TMTC4: variants seen among roughly 807,000 people sequenced by gnomAD.
TMTC4 encodes transmembrane O-mannosyltransferase targeting cadherins 4.
A neutral mutation model predicts 86.0 loss-of-function variants in TMTC4; 65 were observed. The observed-to-expected ratio is 0.76, with a 90% CI of 0.62 to 0.93. TMTC4 has a LOEUF of 0.93. Ranked by LOEUF, TMTC4 falls within the 40% of genes least tolerant of loss-of-function variation. The probability of loss-of-function intolerance (pLI) is 0.00; values close to 1 mark genes in which losing one functional copy is unlikely to be tolerated. For synonymous variants in TMTC4, 379 were observed against 382.5 expected (o/e 0.99, Z 0.11); for missense variants, 866 against 948.1 (o/e 0.91, Z 1.14).
chr13:100,620,003 A>C (rs1490217291), intron 15 of TMTC4, among the ~76,000 whole-genome samples: 1 of 152,222 alleles, frequency 6.6e-6, no homozygotes. Flanking sequence ...GAATCAGATA[A>C]AATTTAGTTT....
intron 15 of TMTC4, among the ~76,000 whole-genome samples, chr13:100,622,141 G>A (rs987088697): frequency 6.6e-6 from 1 of 152,198 alleles, no homozygotes; most frequent in South Asian, 2.1e-4. Flanking sequence ...AAAAATGCAC[G>A]CAAGGTCAGT....
chr13:100,612,335 A>T, intron 17 of TMTC4, 63 bp downstream of exon 17: 1 of 1,273,194 alleles, frequency 7.9e-7, no homozygotes, highest in Non-Finnish European at 1.1e-6. Context: ...CAGAAGTAAC[A>T]CTTACGTCTT....
At chr13:100,623,640 G>GTTTTTTTTTTTTTTTTTTTTTTTTTT (rs71200708) in intron 15 of TMTC4, among the ~76,000 whole-genome samples, 1 of 96,166 alleles carries the variant, frequency 1.0e-5, no homozygotes, top group African/African-American at 3.4e-5. Flanking sequence ...TACTAGTTGG[G>GTTTTTTTTTTTTTTTTTTTTTTTTTT]TTTTGTTTTT....
intron 5 of TMTC4, 116 bp from the exon 6 acceptor site, chr13:100,656,584 C>A: frequency 1.8e-6 from 1 of 568,496 alleles, no homozygotes; most frequent in Middle Eastern, 4.0e-4. Flanking sequence ...ACTCTGCCAC[C>A]CAGGCTGGAG....
At chr13:100,611,484 C>T (rs1160113083) in intron 17 of TMTC4, among the ~76,000 whole-genome samples, 2 of 152,118 alleles carry the variant, frequency 1.3e-5, no homozygotes, top group East Asian at 3.9e-4. Flanking sequence ...ACTCGGGAGG[C>T]TGAGGCAGGA....
At chr13:100,616,137 G>A (rs567625654) in intron 15 of TMTC4, among the ~76,000 whole-genome samples, 10 of 151,976 alleles carry the variant, frequency 6.6e-5, no homozygotes, top group South Asian at 2.1e-4. Context: ...AATCTACAGC[G>A]GATGGGCACC....
intron 7 of TMTC4, among the ~76,000 whole-genome samples, chr13:100,639,647 G>A (rs774913380): frequency 6.6e-5 from 10 of 152,194 alleles, no homozygotes; most frequent in African/African-American, 1.9e-4. Flanking sequence ...CCTGAAAAAC[G>A]GCACAGAGGA....
chr13:100,622,618 C>T (rs1376292385), intron 15 of TMTC4, among the ~76,000 whole-genome samples: 2 of 152,128 alleles, frequency 1.3e-5, no homozygotes, highest in East Asian at 3.9e-4. Context: ...GTGCCTTTCA[C>T]CTTCCACCTT....
intron 1 of TMTC4, chr13:100,674,241 G>A (rs1210185813): frequency 2.0e-6 from 2 of 980,568 alleles, no homozygotes; most frequent in Non-Finnish European, 2.4e-6. Context: ...GCAGGCGCTC[G>A]CGGCGCGGCG....
intron 17 of TMTC4, among the ~76,000 whole-genome samples, chr13:100,609,034 G>A (rs922755467): frequency 3.9e-5 from 6 of 152,122 alleles, no homozygotes; most frequent in South Asian, 2.1e-4. Flanking sequence ...CTGTGCCTCC[G>A]CTAGAATAGG....
intron 16 of TMTC4, 35 bp from the exon 17 acceptor site, chr13:100,612,545 T>G (rs1877773787): frequency 6.6e-7 from 1 of 1,509,822 alleles, no homozygotes; most frequent in African/African-American, 1.4e-5. Context: ...AAAGACATGT[T>G]AATGTTGTAC....
intron 6 of TMTC4, among the ~76,000 whole-genome samples, chr13:100,643,026 A>G (rs1198984102): frequency 6.6e-6 from 1 of 152,200 alleles, no homozygotes; most frequent in Admixed American, 6.5e-5. Flanking sequence ...TGGCAGCTCC[A>G]GTAACCACCA....
At chr13:100,672,311 T>C (rs890266115) in intron 1 of TMTC4, among the ~76,000 whole-genome samples, 1 of 152,192 alleles carries the variant, frequency 6.6e-6, no homozygotes, top group Admixed American at 6.5e-5. Context: ...GGCACATGGC[T>C]TCCTTGGTCA....
chr13:100,656,634 C>A (rs1308743311), intron 5 of TMTC4, among the ~76,000 whole-genome samples, 166 bp from the exon 6 acceptor site: 7 of 149,766 alleles, frequency 4.7e-5, no homozygotes, highest in Admixed American at 4.1e-4. Flanking sequence ...CCTCAACCCC[C>A]CTGGGCTCAA....
At position 100,646,100 on chromosome 13, in the gene TMTC4, T is replaced by C. The variant is rs139406376; in HGVS notation, c.641-3789A>G. Among the ~76,000 whole-genome samples, 3 of 152,192 alleles carry C rather than the reference T, an allele frequency of 2.0e-5. No homozygotes were observed. In the East Asian group the frequency reaches 5.8e-4, roughly 29 times the overall value. On this transcript the variant is annotated intron_variant, in intron 6 of 18. Transcript: ENST00000342624. ...TTATTAGACTCAGGCCCCACTGAGATCTGATGAATCAGAAATTGAGGATGG... is the reference window on the plus strand; with the variant it reads ...TTATTAGACTCAGGCCCCACTGAGACCTGATGAATCAGAAATTGAGGATGG...
chr13:100,659,503 C>A (rs925923729), intron 5 of TMTC4, among the ~76,000 whole-genome samples: 13 of 152,036 alleles, frequency 8.6e-5, no homozygotes, highest in Admixed American at 8.5e-4. Flanking sequence ...TGAAATCTTC[C>A]CCAACACTTT....
At chr13:100,659,281 T>G (rs1314295987) in intron 5 of TMTC4, among the ~76,000 whole-genome samples, 1 of 152,188 alleles carries the variant, frequency 6.6e-6, no homozygotes, top group Non-Finnish European at 1.5e-5. Flanking sequence ...AATTTTTTAC[T>G]TCTAGAGACA....
At chr13:100,606,909 A>G (rs571070334) in intron 17 of TMTC4, among the ~76,000 whole-genome samples, 1 of 152,228 alleles carries the variant, frequency 6.6e-6, no homozygotes, top group African/African-American at 2.4e-5. Flanking sequence ...TGCAGAAAAG[A>G]GGAAGGAATG....
rs1377041079 is a variant in TMTC4, at chr13:100,664,336, C to A, written c.220G>T (p.Asp74Tyr). The A allele has an allele frequency of 2.5e-6, 4 of 1,603,738 alleles. No homozygotes were observed. The highest frequency in any genetic ancestry group is 3.4e-6 in the Non-Finnish European group (4 of 1,174,960). ...DDSEAIVNNK[D>Y]LQAETPLGDL... ...CCCAGGGGCGTTTCTGCTTGGAGGT[C>A]CTGCAGGGTCACAAAGGGGATGTTC... The change falls in exon 4 of 19, where the codon GAC becomes TAC. Residue 74 changes from aspartate (D) to tyrosine (Y), a missense_variant and splice_region_variant. Asp to Tyr is a radical substitution (Grantham distance 160). Coordinates refer to ENST00000342624, the MANE Select transcript of TMTC4 (RefSeq NM_032813.5).
Sources: allele counts gnomAD v4.1 joint callset (sites outside exome capture counted in the v4.1 genomes callset), GRCh38; gene constraint gnomAD v4.1.1; transcripts MANE v1.5; gene names NCBI Gene and HGNC (gene_info 2026-07-23, HGNC 2026-07-21).